The following ZC3HAV1 variants were observed in gnomAD, a reference collection of about 807,000 sequenced individuals.
ZC3HAV1 encodes the protein zinc finger CCCH-type containing, antiviral 1, also known as zinc finger CCCH-type antiviral protein 1.
ZC3HAV1 carries 41 observed loss-of-function variants against 86.6 expected under a neutral mutation model. That is an observed-to-expected ratio of 0.47 (90% CI 0.37 to 0.61). ZC3HAV1 has a LOEUF of 0.61. ZC3HAV1 is among the 20% of genes least tolerant of loss of function. The pLI is 0.00. For missense variants in ZC3HAV1, 964 were observed against 1,141.1 expected (o/e 0.84, Z 2.24); for synonymous variants, 421 against 432.1 (o/e 0.97, Z 0.32).
chr7:139,083,661 A>C (rs1222134330), intron 3 of ZC3HAV1, 119 bp downstream of exon 3: 2 of 1,314,110 alleles, frequency 1.5e-6, no homozygotes, highest in Non-Finnish European at 2.0e-6. Context: ...TGGGAGGCAG[A>C]GGTTGCAGTG....
At chr7:139,085,081 A>G (rs1466027370) in intron 2 of ZC3HAV1, among the ~76,000 whole-genome samples, 1 of 152,236 alleles carries the variant, frequency 6.6e-6, no homozygotes, top group Non-Finnish European at 1.5e-5. Context: ...CCGGACCAGC[A>G]CCATCAGCAC....
chr7:139,080,963 C>T (rs1817110780), intron 3 of ZC3HAV1, among the ~76,000 whole-genome samples: 1 of 152,132 alleles, frequency 6.6e-6, no homozygotes, highest in Admixed American at 6.5e-5. Flanking sequence ...GAAATTTTTC[C>T]AGTTTTCTTC....
intron 3 of ZC3HAV1, among the ~76,000 whole-genome samples, 161 bp downstream of exon 3, chr7:139,083,619 C>T (rs1029530396): frequency 6.7e-5 from 10 of 149,732 alleles, no homozygotes; most frequent in Non-Finnish European, 8.8e-5. Flanking sequence ...CCCAGCTACT[C>T]GGGAGGCTGA....
rs750796740 is a variant in ZC3HAV1 at position 139,080,067 on chromosome 7, C to T, written c.874G>A (p.Asp292Asn). Reference protein sequence around the residue: ...RASLEDAPVDDLTRKFTYLGS... With the variant: ...RASLEDAPVDNLTRKFTYLGS... ...AGATACGTGAACTTGCGGGTGAGAT[C>T]GTCCACAGGCGCGTCCTCCAGGGAA... The change falls in exon 4 of 13, where the codon GAT (aspartate) becomes AAT (asparagine). Residue 292 changes from aspartate to asparagine, a missense_variant. By Grantham distance (23) the Asp-to-Asn change is conservative. Coordinates refer to ENST00000242351, the MANE Select transcript of ZC3HAV1 (RefSeq NM_020119.4). 12 of 1,614,162 alleles carry T rather than the reference C, an allele frequency of 7.4e-6. No individual in the cohort carries two copies. The highest frequency in any genetic ancestry group is 1.0e-5 in the Non-Finnish European group (12 of 1,180,036).
At chr7:139,094,657 C>G (rs1240340902) in intron 1 of ZC3HAV1, among the ~76,000 whole-genome samples, 2 of 152,206 alleles carry the variant, frequency 1.3e-5, no homozygotes, top group Non-Finnish European at 2.9e-5. Flanking sequence ...AGCGCTCTCT[C>G]TCACCACGGG....
chr7:139,075,203 T>C (rs556994953), intron 6 of ZC3HAV1, among the ~76,000 whole-genome samples: 16 of 152,272 alleles, frequency 1.1e-4, no homozygotes, highest in South Asian at 2.1e-4. Context: ...AGCGGAAATA[T>C]AGACCTAGCA....
At chr7:139,071,781 C>T (rs1308331387) in intron 7 of ZC3HAV1, among the ~76,000 whole-genome samples, 1 of 152,206 alleles carries the variant, frequency 6.6e-6, no homozygotes, top group African/African-American at 2.4e-5. Flanking sequence ...TCCACCAGGG[C>T]AGCCCTGCTC....
intron 8 of ZC3HAV1, among the ~76,000 whole-genome samples, chr7:139,063,151 A>G (rs918922698): frequency 3.9e-5 from 6 of 152,064 alleles, no homozygotes; most frequent in African/African-American, 1.4e-4. Context: ...AACAAACAGA[A>G]GTAGCTGGAC....
intron 9 of ZC3HAV1, among the ~76,000 whole-genome samples, chr7:139,059,051 C>G (rs138530334): frequency 2.7e-4 from 41 of 152,212 alleles, no homozygotes; most frequent in African/African-American, 9.4e-4. Context: ...AAAGACAGTT[C>G]CAACACACTT....
chr7:139,060,840 C>A, intron 9 of ZC3HAV1, 196 bp downstream of exon 9: 1 of 1,480,732 alleles, frequency 6.8e-7, no homozygotes, highest in Non-Finnish European at 9.0e-7. Flanking sequence ...AATTCATTTT[C>A]CGATCTAGTA....
intron 1 of ZC3HAV1, among the ~76,000 whole-genome samples, chr7:139,101,017 A>AT (rs1341418208): frequency 1.3e-5 from 2 of 152,164 alleles, no homozygotes; most frequent in South Asian, 4.2e-4. Context: ...TGGTTTTCGT[A>AT]TTTTTTTGGT....
At chr7:139,082,998 G>T (rs1042540760) in intron 3 of ZC3HAV1, among the ~76,000 whole-genome samples, 14 of 152,122 alleles carry the variant, frequency 9.2e-5, no homozygotes, top group African/African-American at 3.4e-4. Context: ...GTTCTGAGGA[G>T]ATACATGCTG....
At chr7:139,061,258 C>T (rs931556551) in intron 8 of ZC3HAV1, 120 bp from the exon 9 acceptor site, 9 of 896,002 alleles carry the variant, frequency 1.0e-5, no homozygotes, top group African/African-American at 3.4e-5. Flanking sequence ...TGTATGTATA[C>T]GAATAGAGAA....
chr7:139,079,218 C>A, intron 4 of ZC3HAV1: 1 of 1,536,452 alleles, frequency 6.5e-7, no homozygotes, highest in Non-Finnish European at 8.7e-7. Flanking sequence ...GAGGAAAGGG[C>A]AGCAGGTGAC....
chr7:139,076,305 A>G lies in ZC3HAV1; in HGVS notation c.1678T>C (p.Cys560Arg). Residue 560 changes from cysteine (C) to arginine (R), a missense_variant, in exon 6 of 13, where the codon TGT (cysteine) becomes CGT (arginine). Cys to Arg is a radical substitution (Grantham distance 180). Transcript: ENST00000242351. ...ACTTACAGGTGGATTCCGGGGTTAC[A>G]GTAGCCTTTCTCGATCGTCTCCATG... is the stretch of plus-strand genomic sequence containing the variant. ...EHMETIEKGY[C>R]NPGIHLCSVG... is the part of the protein sequence containing the mutation. The G allele has an allele frequency of 6.2e-7, 1 of 1,614,224 alleles. No individual in the cohort carries two copies. The highest frequency in any genetic ancestry group is 8.5e-7 in the Non-Finnish European group (1 of 1,180,038).
At chr7:139,061,762 A>C (rs1298355383) in intron 8 of ZC3HAV1, among the ~76,000 whole-genome samples, 1 of 152,264 alleles carries the variant, frequency 6.6e-6, no homozygotes, top group Non-Finnish European at 1.5e-5. Context: ...AAAGATGTGC[A>C]CGTGAATGCT....
intron 7 of ZC3HAV1, among the ~76,000 whole-genome samples, chr7:139,071,078 A>G (rs1254508402): frequency 6.6e-6 from 1 of 151,114 alleles, no homozygotes; most frequent in Admixed American, 6.6e-5. Context: ...CTTTCCCCCA[A>G]ATAGTTCCTT....
rs552175665 is a variant in ZC3HAV1 at position 139,093,603 on chromosome 7, T to C, written c.309-3844A>G. Among the ~76,000 whole-genome samples, 5 of 152,334 alleles carry C rather than the reference T, an allele frequency of 3.3e-5. No homozygotes were observed. In the East Asian group the frequency reaches 9.6e-4, roughly 29 times the overall value. ...CATCCTGGCTCAAAAGCTCCCCCAC[T>C]GAGCACCTTGTGTCCCCGGCCCCTG... On this transcript the variant is annotated intron_variant, in intron 1 of 12. Coordinates refer to ENST00000242351, the MANE Select transcript of ZC3HAV1 (RefSeq NM_020119.4).
chr7:139,106,384 C>A (rs751109078), intron 1 of ZC3HAV1, among the ~76,000 whole-genome samples: 8 of 152,142 alleles, frequency 5.3e-5, no homozygotes, highest in African/African-American at 1.9e-4. Flanking sequence ...AGGCCTAGGC[C>A]GGCAGATCGC....
Sources: allele counts gnomAD v4.1 joint callset (sites outside exome capture counted in the v4.1 genomes callset), GRCh38; gene constraint gnomAD v4.1.1; transcripts MANE v1.5; gene names NCBI Gene and HGNC (gene_info 2026-07-23, HGNC 2026-07-21).